Variants in SYN2 observed in about 807,000 individuals in gnomAD.
SYN2 encodes the protein synapsin II.
A neutral mutation model predicts 50.9 loss-of-function variants in SYN2; 19 were observed. The ratio of observed to expected loss-of-function variants is 0.37; its 90% CI spans 0.26 to 0.55. The LOEUF (loss-of-function observed/expected upper bound fraction) is 0.55, where lower values mean the gene tolerates loss of function less well. Among genes scored for constraint, SYN2 ranks in the 20% least tolerant of loss-of-function variants. The pLI is 0.81. For missense variants in SYN2, 587 were observed against 576.4 expected (o/e 1.02, Z -0.19); for synonymous variants, 255 against 224.9 (o/e 1.13, Z -1.20).
At chr3:12,130,755 A>G (rs1432905954) in intron 1 of SYN2, among the ~76,000 whole-genome samples, 1 of 152,214 alleles carries the variant, frequency 6.6e-6, no homozygotes, top group Non-Finnish European at 1.5e-5. Context: ...GATGTATAAG[A>G]CAGTATGCAC....
intron 1 of SYN2, among the ~76,000 whole-genome samples, chr3:12,023,584 T>C (rs1694191665): frequency 6.6e-6 from 1 of 152,232 alleles, no homozygotes; most frequent in African/African-American, 2.4e-5. Context: ...GGAGGAATTA[T>C]GAGTTAATCT....
At chr3:12,130,254 A>C (rs1394917839) in intron 1 of SYN2, among the ~76,000 whole-genome samples, 1 of 138,224 alleles carries the variant, frequency 7.2e-6, no homozygotes, top group African/African-American at 2.6e-5. Flanking sequence ...GTGTGTGTGC[A>C]TGTGTGTGTG....
At chr3:12,015,041 T>G (rs1026166350) in intron 1 of SYN2, among the ~76,000 whole-genome samples, 20 of 152,228 alleles carry the variant, frequency 1.3e-4, no homozygotes, top group African/African-American at 4.8e-4. Flanking sequence ...TTTCTTTGAT[T>G]TGCCACATAC....
At chr3:12,046,106 ATTG>A (rs1261829221) in intron 1 of SYN2, among the ~76,000 whole-genome samples, 3 of 152,184 alleles carry the variant, frequency 2.0e-5, no homozygotes, top group African/African-American at 7.2e-5. Context: ...GACTGTCAGT[ATTG>A]TTCAGTTTTA....
At chr3:12,045,777 G>A (rs1332644458) in intron 1 of SYN2, among the ~76,000 whole-genome samples, 2 of 152,086 alleles carry the variant, frequency 1.3e-5, no homozygotes, top group African/African-American at 2.4e-5. Context: ...GAGTAGTGGG[G>A]GGCTCAGGAA....
intron 5 of SYN2, among the ~76,000 whole-genome samples, chr3:12,154,049 C>T (rs1053745386): frequency 6.6e-6 from 1 of 152,174 alleles, no homozygotes; most frequent in African/African-American, 2.4e-5. Context: ...TAAACATTTA[C>T]AGTAAATTTA....
chr3:12,037,198 A>C (rs149426252), intron 1 of SYN2, among the ~76,000 whole-genome samples: 22 of 152,280 alleles, frequency 1.4e-4, no homozygotes, highest in Admixed American at 6.5e-4. Context: ...CTCTTCCTAC[A>C]GCTCTCATCT....
At chr3:12,068,054 G>T (rs1391245489) in intron 1 of SYN2, among the ~76,000 whole-genome samples, 3 of 152,116 alleles carry the variant, frequency 2.0e-5, no homozygotes, top group Non-Finnish European at 4.4e-5. Context: ...GTGAGACCTT[G>T]TCTCGAATGA....
chr3:12,057,699 C>T (rs1408309284), intron 1 of SYN2, among the ~76,000 whole-genome samples: 1 of 152,150 alleles, frequency 6.6e-6, no homozygotes, highest in Non-Finnish European at 1.5e-5. Context: ...TTATGGATAA[C>T]TGGTTTCCAA....
intron 2 of SYN2, 70 bp from the exon 3 acceptor site, chr3:12,141,834 GT>G (rs1405696270): frequency 3.9e-6 from 3 of 768,082 alleles, no homozygotes; most frequent in East Asian, 4.9e-5. Flanking sequence ...TGGTAGGGAT[GT>G]TGCTGCTGCT....
Position 12,168,447 on chromosome 3 carries a change from A to G in SYN2, c.1127A>G (p.His376Arg), listed in dbSNP as rs745376290. Reference sequence around the variant, plus strand: ...GACATCTGTGCTGTCAAAGCTGTACATGGCAAAGATGGGAAAGACTACATT... The same window carrying G: ...GACATCTGTGCTGTCAAAGCTGTACGTGGCAAAGATGGGAAAGACTACATT... ...GLDICAVKAV[H>R]GKDGKDYIFE... The change falls in exon 9 of 13, where the codon CAT becomes CGT. Residue 376 changes from histidine (H) to arginine (R), a missense_variant. By Grantham distance (29) the His-to-Arg change is conservative (BLOSUM62 0). Coordinates refer to ENST00000621198, the MANE Select transcript of SYN2 (RefSeq NM_133625.6). 8 of 1,613,824 alleles carry G rather than the reference A, an allele frequency of 5.0e-6. No individual in the cohort carries two copies. Among genetic ancestry groups the G allele is most frequent in the African/African-American group, 2.7e-5 (2 of 74,930 alleles).
rs113732310 is a variant in SYN2 at position 12,187,700 on chromosome 3, A to G, written c.1613+88A>G. 9.3e-3 allele frequency: 13,342 copies of G among 1,441,308 alleles called. 75 individuals are homozygous for G. Among genetic ancestry groups the G allele is most frequent in the Non-Finnish European group, 0.011 (11,446 of 1,089,198 alleles). The allele number at this position is 1,441,308 out of a possible 1,614,324, so 89.3% of individuals were successfully genotyped here. ...CCAGAGCTGCTAGAAATCACCTTCAATCAGGTCTCCTCCTACAGATATTTT... is the reference window on the plus strand; with the variant it reads ...CCAGAGCTGCTAGAAATCACCTTCAGTCAGGTCTCCTCCTACAGATATTTT... On this transcript the variant is annotated intron_variant, in intron 12 of 12. Coordinates refer to ENST00000621198, the MANE Select transcript of SYN2 (RefSeq NM_133625.6).
At chr3:12,008,928 C>T (rs181584153) in intron 1 of SYN2, among the ~76,000 whole-genome samples, 15 of 152,230 alleles carry the variant, frequency 9.9e-5, no homozygotes, top group Admixed American at 8.5e-4. Context: ...GTTATCTAGG[C>T]GGTACCTGTC....
At chr3:12,096,079 C>G (rs928378615) in intron 1 of SYN2, among the ~76,000 whole-genome samples, 1 of 152,168 alleles carries the variant, frequency 6.6e-6, no homozygotes, top group Non-Finnish European at 1.5e-5. Context: ...GATACCTTCC[C>G]CTGCCATTCA....
intron 1 of SYN2, among the ~76,000 whole-genome samples, chr3:12,129,051 T>A (rs1256727928): frequency 6.6e-6 from 1 of 151,646 alleles, no homozygotes; most frequent in African/African-American, 2.4e-5. Flanking sequence ...TAACGAAGAA[T>A]AATAAAATGA....
intron 1 of SYN2, among the ~76,000 whole-genome samples, chr3:12,121,608 A>G (rs918770534): frequency 1.0e-4 from 15 of 148,108 alleles, no homozygotes; most frequent in Non-Finnish European, 2.1e-4. Flanking sequence ...AAGAAAAGGA[A>G]GGAAGGGAGG....
intron 5 of SYN2, chr3:12,153,208 AAC>A: frequency 2.2e-6 from 1 of 458,716 alleles, no homozygotes; most frequent in South Asian, 2.3e-5. Flanking sequence ...GACAAAGGAA[AAC>A]ACATATTCCT....
intron 10 of SYN2, among the ~76,000 whole-genome samples, chr3:12,179,420 C>A: frequency 6.7e-6 from 1 of 148,354 alleles, no homozygotes. Context: ...TCATGGAAGC[C>A]TAGAGCCAGA....
chr3:12,146,338 A>G (rs373692398), intron 4 of SYN2, among the ~76,000 whole-genome samples: 4 of 152,240 alleles, frequency 2.6e-5, no homozygotes, highest in African/African-American at 7.2e-5. Flanking sequence ...ATCCTCATGC[A>G]TGTGAATCAA....
Sources: allele counts gnomAD v4.1 joint callset (sites outside exome capture counted in the v4.1 genomes callset), GRCh38; gene constraint gnomAD v4.1.1; transcripts MANE v1.5; gene names NCBI Gene and HGNC (gene_info 2026-07-23, HGNC 2026-07-21).